PINX1: variants seen among roughly 807,000 people sequenced by gnomAD.
PINX1 encodes the protein PIN2/TERF1-interacting telomerase inhibitor 1.
A neutral mutation model predicts 25.4 loss-of-function variants in PINX1; 34 were observed. The observed-to-expected ratio is 1.34, with a 90% CI of 1.02 to 1.78. The LOEUF is 1.78. PINX1 is among the 40% of genes most tolerant of loss of function. The pLI, the probability that PINX1 is intolerant of heterozygous loss-of-function variation, is 0.00. For missense variants in PINX1, 592 were observed against 404.9 expected (o/e 1.46, Z -3.97); for synonymous variants, 197 against 147.7 (o/e 1.33, Z -2.42).
chr8:10,819,904 T>A (rs1043715209), intron 6 of PINX1, among the ~76,000 whole-genome samples: 1 of 152,188 alleles, frequency 6.6e-6, no homozygotes, highest in Admixed American at 6.5e-5. Flanking sequence ...TCTGATTGTA[T>A]CGGCAATGGG....
chr8:10,791,650 G>A (rs1801926062), intron 6 of PINX1, among the ~76,000 whole-genome samples: 2 of 152,186 alleles, frequency 1.3e-5, no homozygotes, highest in South Asian at 2.1e-4. Context: ...GGGTTATTTT[G>A]GTTTGGGGAG....
At chr8:10,795,145 A>G (rs1238058841) in intron 6 of PINX1, among the ~76,000 whole-genome samples, 1 of 152,258 alleles carries the variant, frequency 6.6e-6, no homozygotes, top group African/African-American at 2.4e-5. Context: ...TTCAAAAAAC[A>G]AATCACTTGG....
chr8:10,781,999 TACTC>T (rs1283263706), intron 6 of PINX1, among the ~76,000 whole-genome samples: 6 of 150,236 alleles, frequency 4.0e-5, no homozygotes, highest in Non-Finnish European at 7.4e-5. Flanking sequence ...AGTGGAATAT[TACTC>T]AGCCTTTAAA....
At chr8:10,812,938 C>T (rs1041587910) in intron 6 of PINX1, among the ~76,000 whole-genome samples, 5 of 152,224 alleles carry the variant, frequency 3.3e-5, no homozygotes, top group Non-Finnish European at 7.3e-5. Flanking sequence ...CATCTAGCTG[C>T]TAGCAAATTA....
intron 6 of PINX1, among the ~76,000 whole-genome samples, chr8:10,800,026 G>C (rs535613793): frequency 6.6e-6 from 1 of 152,310 alleles, no homozygotes; most frequent in African/African-American, 2.4e-5. Context: ...CCAGGTCTGC[G>C]TGATGACACA....
In PINX1 at chr8:10,765,053, G is replaced by GACAC. The variant is rs34143365; in HGVS notation, c.*344_*347dup. The GACAC allele has an allele frequency of 7.2e-3, 1,458 of 202,046 alleles. 10 individuals carry two copies. Among genetic ancestry groups the GACAC allele is most frequent in the Middle Eastern group, 0.024 (13 of 552 alleles). The allele number at this position is 202,046 out of a possible 1,614,324, so 12.5% of individuals were successfully genotyped here. The stretch of plus-strand genomic sequence containing the variant: ...GGAACCGAGAGCAAACGGAGATAGT[G>GACAC]ACACACACACACACACACAGATGCG... On this transcript the variant is annotated 3_prime_UTR_variant, in exon 7 of 7. Coordinates refer to ENST00000314787, the MANE Select transcript of PINX1 (RefSeq NM_017884.6).
rs141509294 is a variant in PINX1, at chr8:10,791,066, C to T, written c.472-25150G>A. 9.6e-3 allele frequency among the ~76,000 whole-genome samples: 1,467 copies of T among 152,190 alleles called. 15 individuals are homozygous for T. Among genetic ancestry groups the T allele is most frequent in the South Asian group, 0.034 (166 of 4,812 alleles). ...TAACTGGGATTACAAGTGCGCACCA[C>T]CACACCTGGCTAATTTTTTGTATTT... On this transcript the variant is annotated intron_variant, in intron 6 of 6. Coordinates refer to ENST00000314787, the MANE Select transcript of PINX1 (RefSeq NM_017884.6).
At chr8:10,819,613 A>C (rs2129085536) in intron 6 of PINX1, among the ~76,000 whole-genome samples, 1 of 152,356 alleles carries the variant, frequency 6.6e-6, no homozygotes, top group South Asian at 2.1e-4. Context: ...ATTAGAATAA[A>C]TTATGGAGTT....
chr8:10,836,199 T>C lies in PINX1; in HGVS notation c.20-1424A>G, dbSNP rs564915157. On this transcript the variant is annotated intron_variant, in intron 1 of 6. Transcript: ENST00000314787. ...ATAACTATGCACACTCCAGCAAAAA[T>C]AGGAAATCCTTTACAAATACACAGG... Among the ~76,000 whole-genome samples the C allele has an allele frequency of 9.9e-5, 15 of 151,638 alleles. No homozygotes were observed. The South Asian group carries it at 1.7e-3, about 17-fold the overall frequency.
At position 10,826,679 on chromosome 8, in the gene PINX1, C is replaced by T. The variant is rs546678666; in HGVS notation, c.302-435G>A. Among the ~76,000 whole-genome samples the T allele has an allele frequency of 8.5e-5, 13 of 152,312 alleles. No individual in the cohort carries two copies. In the East Asian group the frequency reaches 1.3e-3, roughly 16 times the overall value. Reference sequence around the variant, plus strand: ...TGGAATACCACTCCACAGTAAAGAGCGGCGGCCGCTGCCACCGCAATGGCC... The same window carrying T: ...TGGAATACCACTCCACAGTAAAGAGTGGCGGCCGCTGCCACCGCAATGGCC... On this transcript the variant is annotated intron_variant, in intron 4 of 6. Transcript: ENST00000314787.
At chr8:10,776,064 G>C (rs750724982) in intron 6 of PINX1, among the ~76,000 whole-genome samples, 1 of 152,138 alleles carries the variant, frequency 6.6e-6, no homozygotes, top group Non-Finnish European at 1.5e-5. Flanking sequence ...CACAATTCTA[G>C]CATTCATTAT....
Position 10,837,865 on chromosome 8 carries a change from T to C in PINX1, c.19+1873A>G, listed in dbSNP as rs188000879. 2.0e-5 allele frequency among the ~76,000 whole-genome samples: 3 copies of C among 152,336 alleles called. No individual in the cohort carries two copies. In the East Asian group the frequency reaches 5.8e-4, roughly 29 times the overall value. ...GAGTATTGTTACACTAAATTAAATT[T>C]GGCCTGAGGAGGCCTCCGTACTTGA... is the stretch of plus-strand genomic sequence containing the variant. On this transcript the variant is annotated intron_variant, in intron 1 of 6. Transcript: ENST00000314787.
At chr8:10,768,505 T>A (rs1344657994) in intron 6 of PINX1, among the ~76,000 whole-genome samples, 1 of 152,172 alleles carries the variant, frequency 6.6e-6, no homozygotes, top group Admixed American at 6.5e-5. Flanking sequence ...GGATGTAAGT[T>A]TAATAGGCAC....
rs6994375 is a variant in PINX1 at position 10,822,551 on chromosome 8, G to A, written c.395-2282C>T. 1.0e-2 allele frequency among the ~76,000 whole-genome samples: 1,518 copies of A among 152,240 alleles called. 19 individuals carry two copies. The highest frequency in any genetic ancestry group is 0.026 in the African/African-American group (1,078 of 41,532). On this transcript the variant is annotated intron_variant, in intron 5 of 6. Transcript: ENST00000314787. ...TTTCAAGGAAGAACACTCTATTTAGGTTTGCTTTAGCTGTTTGTCTAATAA... is the reference window on the plus strand; with the variant it reads ...TTTCAAGGAAGAACACTCTATTTAGATTTGCTTTAGCTGTTTGTCTAATAA...
chr8:10,804,978 C>G (rs1468779138), intron 6 of PINX1, among the ~76,000 whole-genome samples: 1 of 151,790 alleles, frequency 6.6e-6, no homozygotes, highest in Non-Finnish European at 1.5e-5. Context: ...AAAGGGAGTT[C>G]ACACCTCGGA....
chr8:10,824,185 A>C (rs562151720), intron 5 of PINX1, among the ~76,000 whole-genome samples: 4 of 152,338 alleles, frequency 2.6e-5, no homozygotes, highest in Non-Finnish European at 5.9e-5. Context: ...CATTTTACAA[A>C]AGAGGAAACT....
At chr8:10,799,101 A>G (rs924778409) in intron 6 of PINX1, among the ~76,000 whole-genome samples, 8 of 149,656 alleles carry the variant, frequency 5.3e-5, no homozygotes, top group African/African-American at 2.0e-4. Flanking sequence ...TTTTATTTCA[A>G]TAAAACACAG....
At chr8:10,782,845 C>T (rs996528992) in intron 6 of PINX1, among the ~76,000 whole-genome samples, 2 of 152,098 alleles carry the variant, frequency 1.3e-5, no homozygotes, top group African/African-American at 4.8e-5. Context: ...TTTCAATTCA[C>T]GAACAATAAA....
At chr8:10,783,555 G>A (rs1054990160) in intron 6 of PINX1, among the ~76,000 whole-genome samples, 9 of 152,278 alleles carry the variant, frequency 5.9e-5, no homozygotes, top group South Asian at 4.1e-4. Context: ...TGAATCCAGC[G>A]CTGCATCACA....
Sources: allele counts gnomAD v4.1 joint callset (sites outside exome capture counted in the v4.1 genomes callset), GRCh38; gene constraint gnomAD v4.1.1; transcripts MANE v1.5; gene names NCBI Gene and HGNC (gene_info 2026-07-23, HGNC 2026-07-21).